Variants in NBEAL1 observed in about 807,000 individuals in gnomAD.
NBEAL1 encodes neurobeachin-like protein 1.
NBEAL1 carries 273 observed loss-of-function variants against 351.3 expected under a neutral mutation model. The ratio of observed to expected loss-of-function variants is 0.78; its 90% CI spans 0.70 to 0.86. NBEAL1 has a LOEUF of 0.86. NBEAL1 is among the 40% of genes least tolerant of loss of function. The pLI is 0.00. For missense variants in NBEAL1, 2,961 were observed against 3,201.3 expected (o/e 0.92, Z 1.81); for synonymous variants, 1,050 against 1,086.4 (o/e 0.97, Z 0.66).
intron 35 of NBEAL1, among the ~76,000 whole-genome samples, chr2:203,155,202 T>TATAC (rs1480279647): frequency 2.0e-5 from 3 of 148,344 alleles, no homozygotes; most frequent in Non-Finnish European, 4.5e-5. Context: ...GAGCCATGAT[T>TATAC]ATACCACTTC....
intron 10 of NBEAL1, among the ~76,000 whole-genome samples, chr2:203,093,992 G>A (rs981457350): frequency 1.3e-5 from 2 of 151,896 alleles, no homozygotes; most frequent in African/African-American, 4.8e-5. Context: ...AAGCCATTAA[G>A]TCTTCACAAC....
chr2:203,045,581 T>A (rs908699590), intron 3 of NBEAL1, among the ~76,000 whole-genome samples: 5 of 152,224 alleles, frequency 3.3e-5, no homozygotes, highest in Admixed American at 6.5e-5. Flanking sequence ...TTCTGTGTAA[T>A]TTAATTACAA....
At chr2:203,142,113 A>T (rs917833419) in intron 31 of NBEAL1, among the ~76,000 whole-genome samples, 16 of 152,138 alleles carry the variant, frequency 1.1e-4, no homozygotes, top group African/African-American at 3.9e-4. Flanking sequence ...GTAGGGCATC[A>T]CCCATAGTAA....
At chr2:203,045,246 G>T (rs550657105) in intron 3 of NBEAL1, among the ~76,000 whole-genome samples, 4 of 152,150 alleles carry the variant, frequency 2.6e-5, no homozygotes, top group African/African-American at 9.7e-5. Flanking sequence ...TTTTAAATAA[G>T]TAGGATAAAA....
chr2:203,083,141 G>A (rs1037958611), intron 8 of NBEAL1, 78 bp from the exon 9 acceptor site: 8 of 1,253,838 alleles, frequency 6.4e-6, no homozygotes, highest in Admixed American at 2.8e-5. Flanking sequence ...GCCTGCAGAT[G>A]TATTAAATTC....
chr2:203,111,507 A>C (rs1267066052), intron 15 of NBEAL1, among the ~76,000 whole-genome samples: 5 of 151,716 alleles, frequency 3.3e-5, no homozygotes, highest in African/African-American at 1.2e-4. Context: ...AGTAGCTGGG[A>C]TTATAGGCGC....
At chr2:203,172,904 G>C in intron 41 of NBEAL1, 51 bp downstream of exon 41, 3 of 1,505,210 alleles carry the variant, frequency 2.0e-6, no homozygotes, top group Non-Finnish European at 2.7e-6. Context: ...CTTTGAATTT[G>C]TATTGATTTT....
intron 11 of NBEAL1, among the ~76,000 whole-genome samples, chr2:203,097,891 A>G (rs1428172597): frequency 6.6e-6 from 1 of 152,224 alleles, no homozygotes; most frequent in Non-Finnish European, 1.5e-5. Context: ...TTGAGGAGAT[A>G]TAAAGTACAG....
At chr2:203,023,824 G>T (rs1018198155) in intron 2 of NBEAL1, among the ~76,000 whole-genome samples, 2 of 152,030 alleles carry the variant, frequency 1.3e-5, no homozygotes, top group African/African-American at 4.8e-5. Flanking sequence ...ATTATTGGAG[G>T]GTTATTATGA....
intron 5 of NBEAL1, 54 bp downstream of exon 5, chr2:203,056,562 T>G: frequency 9.8e-7 from 1 of 1,021,754 alleles, no homozygotes. Flanking sequence ...TAGGTTTTAC[T>G]TTTTGTTTGT....
chr2:203,185,402 T>G (rs1028042370), intron 44 of NBEAL1, among the ~76,000 whole-genome samples: 2 of 152,160 alleles, frequency 1.3e-5, no homozygotes, highest in Admixed American at 6.5e-5. Context: ...AAGGGAGAGA[T>G]AGCATTAGGA....
chr2:203,136,631 A>G lies in NBEAL1; in HGVS notation c.4422A>G (p.Thr1474=). 1 of 1,611,726 alleles carries G rather than the reference A, an allele frequency of 6.2e-7. No individual in the cohort carries two copies. Among genetic ancestry groups the G allele is most frequent in the Non-Finnish European group, 8.5e-7 (1 of 1,178,664 alleles). ...RCEEELLQLL[T]HILNYVMCKG... is the part of the protein sequence containing the mutation. ...AGGAGGAGCTTCTTCAATTACTGAC[A>G]CATATTTTGAATTATGTAATGTGTA... Residue 1474 remains threonine, a synonymous_variant, in exon 29 of 56, where the codon ACA becomes ACG. Coordinates refer to ENST00000683969, the MANE Select transcript of NBEAL1 (RefSeq NM_001378026.1).
intron 18 of NBEAL1, among the ~76,000 whole-genome samples, chr2:203,118,838 C>G (rs193094228): frequency 6.6e-6 from 1 of 152,296 alleles, no homozygotes; most frequent in Admixed American, 6.5e-5. Context: ...ATCCGCCCGC[C>G]TTGGCCTCCC....
At chr2:203,105,479 A>G (rs542345143) in intron 12 of NBEAL1, among the ~76,000 whole-genome samples, 230 of 152,070 alleles carry the variant, frequency 1.5e-3, no homozygotes, top group African/African-American at 5.4e-3. Context: ...AAAAAAAAGA[A>G]AGCTGAATAT....
At chr2:203,087,804 G>A (rs928847237) in intron 10 of NBEAL1, among the ~76,000 whole-genome samples, 1 of 152,120 alleles carries the variant, frequency 6.6e-6, no homozygotes, top group Non-Finnish European at 1.5e-5. Flanking sequence ...ATACTCAACT[G>A]TGGTCTATTT....
In NBEAL1 at chr2:203,193,906, A is replaced by C; in HGVS notation, c.7033A>C (p.Ile2345Leu). The change falls in exon 47 of 56, where the codon ATA becomes CTA. Residue 2345 changes from isoleucine to leucine, a missense_variant. Coordinates refer to ENST00000683969, the MANE Select transcript of NBEAL1 (RefSeq NM_001378026.1). ...QHLPELKSFF[I>L]EGISDGIPLL... is the part of the protein sequence containing the mutation. ...CCTTCCTGAACTCAAGTCATTTTTT[A>C]TAGAGGTAATATCCTACTTGGTAAT... The C allele has an allele frequency of 6.4e-7, 1 of 1,555,084 alleles. No homozygotes were observed. The highest frequency in any genetic ancestry group is 8.9e-7 in the Non-Finnish European group (1 of 1,128,044).
chr2:203,151,560 A>G lies in NBEAL1; in HGVS notation c.5558A>G (p.Glu1853Gly). The G allele has an allele frequency of 1.2e-6, 2 of 1,609,566 alleles. No homozygotes were observed. Among genetic ancestry groups the G allele is most frequent in the Non-Finnish European group, 1.7e-6 (2 of 1,178,316 alleles). ...LVPNYNFKTH[E>G]EASALRDNLG... is the part of the protein sequence containing the mutation. Reference sequence around the variant, plus strand: ...CCGAATTATAATTTCAAAACCCATGAGGAAGCTAGTGCCTTGAGAGATAAT... The same window carrying G: ...CCGAATTATAATTTCAAAACCCATGGGGAAGCTAGTGCCTTGAGAGATAAT... Residue 1853 changes from glutamate (E) to glycine (G), a missense_variant, in exon 35 of 56, where the codon GAG (glutamate) becomes GGG (glycine). Physicochemically the swap from Glu to Gly is moderately conservative, Grantham distance 98. Transcript: ENST00000683969.
chr2:203,064,789 A>G (rs1246746414), intron 6 of NBEAL1, among the ~76,000 whole-genome samples: 1 of 152,216 alleles, frequency 6.6e-6, no homozygotes, highest in Non-Finnish European at 1.5e-5. Flanking sequence ...AAAGGATGTT[A>G]GTGGGTGAAC....
chr2:203,102,111 G>A (rs1194229452), intron 12 of NBEAL1, among the ~76,000 whole-genome samples: 1 of 152,066 alleles, frequency 6.6e-6, no homozygotes, highest in African/African-American at 2.4e-5. Context: ...CTCTTAGCTT[G>A]GATATTGTTG....
Sources: allele counts gnomAD v4.1 joint callset (sites outside exome capture counted in the v4.1 genomes callset), GRCh38; gene constraint gnomAD v4.1.1; transcripts MANE v1.5; gene names NCBI Gene and HGNC (gene_info 2026-07-23, HGNC 2026-07-21).